The following ZNF521 variants were observed in gnomAD, a reference collection of about 807,000 sequenced individuals.
ZNF521 encodes the protein zinc finger protein 521.
Under a neutral mutation model 105.5 loss-of-function variants are expected in ZNF521, and 14 were observed. The ratio of observed to expected loss-of-function variants is 0.13; its 90% confidence interval spans 0.09 to 0.21. The LOEUF (loss-of-function observed/expected upper bound fraction) is 0.21. Ranked by LOEUF, ZNF521 falls within the 10% of genes least tolerant of loss-of-function variation. The pLI, the probability that ZNF521 is intolerant of heterozygous loss-of-function variation, is 1.00. For synonymous variants in ZNF521, 635 were observed against 606.0 expected (o/e 1.05, Z -0.70); for missense variants, 1,233 against 1,629.7 (o/e 0.76, Z 4.19).
intron 3 of ZNF521, among the ~76,000 whole-genome samples, chr18:25,299,160 A>G (rs1437251613): frequency 6.6e-6 from 1 of 152,226 alleles, no homozygotes; most frequent in Non-Finnish European, 1.5e-5. Context: ...CCTATCAGGA[A>G]AAGTCAGCTT....
intron 5 of ZNF521, among the ~76,000 whole-genome samples, chr18:25,110,269 A>G (rs2034158171): frequency 6.6e-6 from 1 of 152,218 alleles, no homozygotes; most frequent in Admixed American, 6.5e-5. Flanking sequence ...TGAAACACCG[A>G]GTCCGCTCAG....
intron 5 of ZNF521, among the ~76,000 whole-genome samples, chr18:25,140,755 T>C (rs144217115): frequency 6.6e-6 from 1 of 152,316 alleles, no homozygotes; most frequent in Non-Finnish European, 1.5e-5. Context: ...GGCATTTGTA[T>C]TGGTCCTGTT....
chr18:25,230,872 T>G (rs1425702551), intron 3 of ZNF521, among the ~76,000 whole-genome samples: 1 of 152,190 alleles, frequency 6.6e-6, no homozygotes, highest in Non-Finnish European at 1.5e-5. Context: ...GATGCAAATG[T>G]GTGTGCATGG....
At chr18:25,212,563 A>ATG (rs1568012334) in intron 4 of ZNF521, among the ~76,000 whole-genome samples, 2 of 128,962 alleles carry the variant, frequency 1.6e-5, no homozygotes, top group African/African-American at 6.2e-5. Context: ...ATATATATAT[A>ATG]TATGTATAGA....
chr18:25,255,713 T>A (rs1413458328), intron 3 of ZNF521, among the ~76,000 whole-genome samples: 2 of 152,086 alleles, frequency 1.3e-5, no homozygotes, highest in South Asian at 4.1e-4. Flanking sequence ...GTCATTGGTC[T>A]CAAGTCTCGT....
intron 3 of ZNF521, among the ~76,000 whole-genome samples, chr18:25,244,964 G>T (rs1341223491): frequency 2.0e-5 from 3 of 152,194 alleles, no homozygotes. Flanking sequence ...AAAATGTGTG[G>T]TGAATTCCAA....
intron 3 of ZNF521, among the ~76,000 whole-genome samples, chr18:25,258,716 T>C (rs1016638209): frequency 6.6e-6 from 1 of 151,868 alleles, no homozygotes; most frequent in Non-Finnish European, 1.5e-5. Flanking sequence ...CTGAAGAAAA[T>C]AAGAGATTAA....
rs141812202 is a variant in ZNF521, at chr18:25,317,396, T to C, written c.220+4612A>G. ...CGATTCAATTTTATAGAGCTGAACA[T>C]AAGAATAACTATAGGGCACGCACTC... On this transcript the variant is annotated intron_variant, in intron 3 of 7. Transcript: ENST00000361524. Among the ~76,000 whole-genome samples, 18 of 151,612 alleles carry C rather than the reference T, an allele frequency of 1.2e-4. 1 individual carries two copies. In the East Asian group the frequency reaches 2.7e-3, roughly 23 times the overall value.
chr18:25,142,890 G>A lies in ZNF521; in HGVS notation c.3659-50809C>T, dbSNP rs867208453. Among the ~76,000 whole-genome samples, 131 of 152,052 alleles carry A rather than the reference G, an allele frequency of 8.6e-4. 1 individual carries two copies. The highest frequency in any genetic ancestry group is 3.0e-3 in the African/African-American group (125 of 41,398). ...ATTCCTATTTCACATGTGTCCTTTG[G>A]TTCGGGTTTTAAAAGCAATTTTAAT... On this transcript the variant is annotated intron_variant, in intron 5 of 7. Transcript: ENST00000361524.
At chr18:25,346,176 C>CT (rs145645689) in intron 2 of ZNF521, among the ~76,000 whole-genome samples, 17 of 150,528 alleles carry the variant, frequency 1.1e-4, no homozygotes, top group Non-Finnish European at 1.9e-4. Flanking sequence ...AACTTGGGGG[C>CT]TTTTTTTTTC....
intron 3 of ZNF521, among the ~76,000 whole-genome samples, chr18:25,320,408 T>C (rs1475194781): frequency 6.6e-6 from 1 of 152,190 alleles, no homozygotes; most frequent in Non-Finnish European, 1.5e-5. Flanking sequence ...TGACCTCAGA[T>C]GATCCACCTG....
chr18:25,322,012 C>T lies in ZNF521; in HGVS notation c.216G>A (p.Leu72=). ...AAAGTGATAAGTATTGTTTACCTGT[C>T]AGTTGACATTGATTAATCTTGTGTT... ...ITEHKINQCQ[L]TDGVDVEDDP... is the part of the protein sequence containing the mutation. The change falls in exon 3 of 8, where the codon CTG becomes CTA. Residue 72 remains leucine, a synonymous_variant. Transcript: ENST00000361524. The T allele has an allele frequency of 6.2e-7, 1 of 1,613,656 alleles. No homozygotes were observed. The highest frequency in any genetic ancestry group is 8.5e-7 in the Non-Finnish European group (1 of 1,179,760).
At chr18:25,346,282 C>CT (rs985916114) in intron 2 of ZNF521, among the ~76,000 whole-genome samples, 22 of 149,948 alleles carry the variant, frequency 1.5e-4, no homozygotes, top group African/African-American at 3.7e-4. Flanking sequence ...AAGAGAAACA[C>CT]TTTTTTTTTG....
intron 5 of ZNF521, among the ~76,000 whole-genome samples, chr18:25,121,676 G>A (rs1424692693): frequency 6.6e-6 from 1 of 152,120 alleles, no homozygotes; most frequent in African/African-American, 2.4e-5. Flanking sequence ...CAACAGGAGG[G>A]GCTCTGAGAG....
intron 3 of ZNF521, 96 bp downstream of exon 3, chr18:25,321,912 A>G (rs2145146510): frequency 8.3e-7 from 1 of 1,203,760 alleles, no homozygotes. Flanking sequence ...ATGTAGGAAT[A>G]AAATAATTTG....
intron 2 of ZNF521, among the ~76,000 whole-genome samples, chr18:25,328,451 A>G (rs1913366849): frequency 6.7e-6 from 1 of 148,950 alleles, no homozygotes; most frequent in Admixed American, 6.7e-5. Flanking sequence ...ACACACACGC[A>G]TTCACTTTCA....
chr18:25,136,215 T>C lies in ZNF521; in HGVS notation c.3659-44134A>G, dbSNP rs888637643. ...CTATGCAATTAATGCAGAAAGTGCA[T>C]AGTGATTTGTTGATATTATGTTCAT... On this transcript the variant is annotated intron_variant, in intron 5 of 7. Transcript: ENST00000361524. Among the ~76,000 whole-genome samples, 7 of 152,302 alleles carry C rather than the reference T, an allele frequency of 4.6e-5. No individual in the cohort carries two copies. In the South Asian group the frequency reaches 6.2e-4, roughly 14 times the overall value.
intron 5 of ZNF521, among the ~76,000 whole-genome samples, chr18:25,144,680 G>GA (rs71266975): frequency 0.055 from 8,147 of 149,432 alleles, 733 homozygotes; most frequent in African/African-American, 0.19. Context: ...AGGCTTTAAA[G>GA]AAAAAAAAAA....
At chr18:25,274,414 T>C (rs562360232) in intron 3 of ZNF521, among the ~76,000 whole-genome samples, 1 of 152,332 alleles carries the variant, frequency 6.6e-6, no homozygotes, top group South Asian at 2.1e-4. Context: ...GGTAAGTTGT[T>C]ACTGTGCTGT....
Sources: gnomAD v4.1 joint callset for allele counts (sites outside exome capture counted in the v4.1 genomes callset) on GRCh38, gnomAD v4.1.1 for gene constraint, MANE v1.5 for transcripts, NCBI Gene and HGNC (gene_info 2026-07-23, HGNC 2026-07-21) for gene names.